CCDC171: variants seen among roughly 807,000 people sequenced by gnomAD.
The protein encoded by CCDC171 is coiled-coil domain containing 171, also known as coiled-coil domain-containing protein 171.
Under a neutral mutation model 168.2 loss-of-function variants are expected in CCDC171, and 177 were observed. The ratio of observed to expected loss-of-function variants is 1.05; its 90% CI spans 0.93 to 1.19. The LOEUF is 1.19. CCDC171 is among the 50% of genes most tolerant of loss of function. The pLI is 0.00. For synonymous variants in CCDC171, 687 were observed against 540.8 expected (o/e 1.27, Z -3.75); for missense variants, 1,991 against 1,539.0 (o/e 1.29, Z -4.91).
At chr9:15,819,022 G>T (rs543480031) in intron 21 of CCDC171, among the ~76,000 whole-genome samples, 1 of 116,926 alleles carries the variant, frequency 8.6e-6, no homozygotes, top group African/African-American at 3.2e-5. Flanking sequence ...AGCCAGAAGA[G>T]AGTGGGGGCC....
chr9:15,657,805 G>C (rs2048051751), intron 8 of CCDC171, among the ~76,000 whole-genome samples: 2 of 152,088 alleles, frequency 1.3e-5, no homozygotes, highest in African/African-American at 4.8e-5. Context: ...AATCTGGGAG[G>C]GGAATTAAAT....
intron 16 of CCDC171, among the ~76,000 whole-genome samples, chr9:15,735,152 A>G (rs1284250920): frequency 6.6e-6 from 1 of 152,222 alleles, no homozygotes; most frequent in African/African-American, 2.4e-5. Context: ...TACTAGAAAA[A>G]TGAAATTTGT....
chr9:15,945,012 C>A (rs1327338848), intron 25 of CCDC171, among the ~76,000 whole-genome samples: 2 of 151,928 alleles, frequency 1.3e-5, no homozygotes, highest in Admixed American at 6.6e-5. Context: ...GGTATATCTC[C>A]CAATGCTATC....
At chr9:15,717,069 C>T (rs1002424958) in intron 11 of CCDC171, among the ~76,000 whole-genome samples, 8 of 152,190 alleles carry the variant, frequency 5.3e-5, no homozygotes, top group African/African-American at 1.7e-4. Context: ...AACTTCATAT[C>T]ACTGAAAGAG....
chr9:15,829,334 A>G (rs117357153), intron 21 of CCDC171, among the ~76,000 whole-genome samples: 2,116 of 152,330 alleles, frequency 0.014, 27 homozygotes, highest in Non-Finnish European at 0.021. Context: ...CCGATACATG[A>G]TAACTTGAGG....
At chr9:15,996,164 G>C (rs1165373372) in intron 3 of CCDC171, among the ~76,000 whole-genome samples, 1 of 151,942 alleles carries the variant, frequency 6.6e-6, no homozygotes, top group Non-Finnish European at 1.5e-5. Flanking sequence ...TCTTTTCACT[G>C]TTACTCTTCG....
At chr9:16,012,467 T>C (rs948391448) in intron 3 of CCDC171, among the ~76,000 whole-genome samples, 2 of 152,200 alleles carry the variant, frequency 1.3e-5, no homozygotes, top group Non-Finnish European at 2.9e-5. Context: ...TTTCTTACTG[T>C]GTCTTAAGTG....
At chr9:15,734,271 C>T (rs2134408437) in intron 16 of CCDC171, among the ~76,000 whole-genome samples, 1 of 152,354 alleles carries the variant, frequency 6.6e-6, no homozygotes, top group Non-Finnish European at 1.5e-5. Context: ...TGTGGTGGCT[C>T]ATGCCTGTAA....
chr9:15,774,716 C>T (rs186317461), intron 18 of CCDC171, among the ~76,000 whole-genome samples: 1 of 152,348 alleles, frequency 6.6e-6, no homozygotes, highest in Admixed American at 6.5e-5. Context: ...AGATGCCCAT[C>T]AATCAACAAG....
chr9:15,714,287 C>G (rs968997425), intron 11 of CCDC171, among the ~76,000 whole-genome samples: 1 of 152,116 alleles, frequency 6.6e-6, no homozygotes, highest in Non-Finnish European at 1.5e-5. Context: ...CTTGGCTTTT[C>G]CACTTGATTT....
Position 15,594,158 on chromosome 9 carries a change from CAATTTA to C in CCDC171, c.662_667del (p.Gln221_Ile223delinsLeu). ...ATGGGAAGCAGAAAGAAGAGAATTA[CAATTTA>C]TAGTACAGGTATTTTAAAAATAATC... is the stretch of plus-strand genomic sequence containing the variant. On this transcript the variant is annotated inframe_deletion, in exon 6 of 26. Coordinates refer to ENST00000380701, the MANE Select transcript of CCDC171 (RefSeq NM_173550.4). 1 of 1,423,452 alleles carries C rather than the reference CAATTTA, an allele frequency of 7.0e-7. No homozygotes were observed. Among genetic ancestry groups the C allele is most frequent in the South Asian group, 1.2e-5 (1 of 83,678 alleles). The allele number at this position is 1,423,452 out of a possible 1,614,324, so 88.2% of individuals were successfully genotyped here.
At chr9:15,789,494 C>G (rs1384693031) in intron 21 of CCDC171, among the ~76,000 whole-genome samples, 5 of 152,114 alleles carry the variant, frequency 3.3e-5, no homozygotes, top group Non-Finnish European at 2.9e-5. Flanking sequence ...TAAGCAAAAG[C>G]TAAGGCAAAA....
chr9:15,631,919 CCA>C (rs1171579852), intron 7 of CCDC171, among the ~76,000 whole-genome samples: 3 of 152,228 alleles, frequency 2.0e-5, no homozygotes, highest in African/African-American at 2.4e-5. Context: ...AAGACAAAAA[CCA>C]CATGATTATC....
intron 16 of CCDC171, among the ~76,000 whole-genome samples, chr9:15,737,185 A>T (rs2054552244): frequency 6.6e-6 from 1 of 152,030 alleles, no homozygotes; most frequent in South Asian, 2.1e-4. Context: ...TTAATAAAAA[A>T]CTATATATGT....
intron 24 of CCDC171, chr9:15,886,828 A>G (rs1325953988): frequency 2.6e-5 from 4 of 152,048 alleles, no homozygotes; most frequent in African/African-American, 9.7e-5. Context: ...AAATCCTGCA[A>G]TGTGCAACAA....
chr9:15,988,615 C>T (rs1403549927), intron 3 of CCDC171, among the ~76,000 whole-genome samples: 1 of 152,154 alleles, frequency 6.6e-6, no homozygotes, highest in Non-Finnish European at 1.5e-5. Flanking sequence ...GAGCATGAGC[C>T]AACGCAGGGC....
intron 24 of CCDC171, among the ~76,000 whole-genome samples, chr9:15,912,718 A>T (rs764460745): frequency 7.2e-5 from 11 of 152,100 alleles, no homozygotes; most frequent in Non-Finnish European, 1.2e-4. Flanking sequence ...TTCCATCAGT[A>T]CCTAGTTTAT....
chr9:16,063,380 C>A (rs1833957524), downstream of CCDC171, among the ~76,000 whole-genome samples: 1 of 152,148 alleles, frequency 6.6e-6, no homozygotes, highest in African/African-American at 2.4e-5. Flanking sequence ...CTCTGAGAAG[C>A]AGGAGGTGAT....
chr9:16,044,422 T>C (rs1360681457), intron 1 of CCDC171, among the ~76,000 whole-genome samples: 2 of 151,960 alleles, frequency 1.3e-5, no homozygotes, highest in African/African-American at 4.8e-5. Context: ...CCATTGCTCA[T>C]ATACATAGGG....
Sources: allele counts gnomAD v4.1 joint callset (sites outside exome capture counted in the v4.1 genomes callset), GRCh38; gene constraint gnomAD v4.1.1; transcripts MANE v1.5; gene names NCBI Gene and HGNC (gene_info 2026-07-23, HGNC 2026-07-21).